SPRY3: variants seen among roughly 807,000 people sequenced by gnomAD.
SPRY3 encodes the protein protein sprouty homolog 3.
A neutral mutation model predicts 20.2 loss-of-function variants in SPRY3; 15 were observed. The ratio of observed to expected loss-of-function variants is 0.74; its 90% CI spans 0.50 to 1.14. The LOEUF (loss-of-function observed/expected upper bound fraction) is 1.14, where lower values mean the gene tolerates loss of function less well. Ranked by LOEUF, SPRY3 falls within the 50% of genes most tolerant of loss-of-function variation. The pLI, the probability that SPRY3 is intolerant of heterozygous loss-of-function variation, is 0.00. For missense variants in SPRY3, 364 were observed against 363.9 expected, an observed-to-expected ratio of 1.00 and a Z score of 0.00; for synonymous variants, 143 against 136.5, an observed-to-expected ratio of 1.05 and a Z score of -0.33.
chrX:155,720,835 T>G (rs754468256), intron 2 of SPRY3, among the ~76,000 whole-genome samples: 74 of 152,080 alleles, frequency 4.9e-4, no homozygotes, highest in Non-Finnish European at 9.7e-4. Flanking sequence ...GAAGCTCAGA[T>G]TGTGAAGACT....
intron 2 of SPRY3, among the ~76,000 whole-genome samples, chrX:155,712,084 GT>G (rs1160797238): frequency 6.6e-6 from 1 of 151,618 alleles, no homozygotes; most frequent in Non-Finnish European, 1.5e-5. Flanking sequence ...GTTTTTGCAT[GT>G]TTTAAGATTT....
intron 2 of SPRY3, among the ~76,000 whole-genome samples, chrX:155,751,191 AAGT>A (rs2091260551): frequency 6.6e-6 from 1 of 151,810 alleles, no homozygotes. Context: ...GAGATTGTGT[AAGT>A]AGTATAGCTA....
intron 2 of SPRY3, among the ~76,000 whole-genome samples, chrX:155,694,479 C>T (rs1055236148): frequency 9.0e-6 from 1 of 111,490 alleles, no homozygotes; most frequent in African/African-American, 3.3e-5. Flanking sequence ...TGGCACCAGG[C>T]ACCAGTTTCA....
intron 2 of SPRY3, among the ~76,000 whole-genome samples, chrX:155,663,404 T>A (rs73562815): frequency 1.4e-3 from 154 of 111,228 alleles, no homozygotes; most frequent in African/African-American, 4.9e-3. Context: ...ATACTACAAA[T>A]AATAAAAATG....
intron 2 of SPRY3, among the ~76,000 whole-genome samples, chrX:155,729,684 G>T (rs893118252): frequency 6.6e-6 from 1 of 151,218 alleles, no homozygotes; most frequent in Non-Finnish European, 1.5e-5. Flanking sequence ...CAAACCAAAA[G>T]TTAGTAGAGA....
intron 2 of SPRY3, among the ~76,000 whole-genome samples, chrX:155,748,100 C>A (rs2091238081): frequency 1.3e-5 from 2 of 151,842 alleles, no homozygotes; most frequent in African/African-American, 4.8e-5. Context: ...ATGAGAATTA[C>A]ATTTGCCATC....
intron 2 of SPRY3, among the ~76,000 whole-genome samples, chrX:155,710,423 C>T (rs948635510): frequency 6.6e-6 from 1 of 151,298 alleles, no homozygotes; most frequent in African/African-American, 2.4e-5. Flanking sequence ...TTTTGTGTGG[C>T]TATTGTAAAT....
chrX:155,690,994 T>G (rs2068100658), intron 2 of SPRY3, among the ~76,000 whole-genome samples: 1 of 87,966 alleles, frequency 1.1e-5, no homozygotes, highest in African/African-American at 5.4e-5. Context: ...TTTGATTAAG[T>G]TAAATTTTTG....
intron 1 of SPRY3, among the ~76,000 whole-genome samples, chrX:155,646,699 T>C (rs1478425510): frequency 8.9e-6 from 1 of 111,976 alleles, no homozygotes; most frequent in African/African-American, 3.2e-5. Context: ...GCCTTCAGGG[T>C]TTTCTACATG....
Position 155,729,470 on chromosome X carries a change from C to T in SPRY3, c.-281-38492C>T, listed in dbSNP as rs2091119222. Among the ~76,000 whole-genome samples, 3 of 151,292 alleles carry T rather than the reference C, an allele frequency of 2.0e-5. No individual in the cohort carries two copies. The South Asian group carries it at 6.3e-4, about 32-fold the overall frequency. ...ATATGCTCCTGAATGAACAGTGGGTCAATGAAGAAATTAAGAAGAAAATTT... is the reference window on the plus strand; with the variant it reads ...ATATGCTCCTGAATGAACAGTGGGTTAATGAAGAAATTAAGAAGAAAATTT... On this transcript the variant is annotated intron_variant, in intron 2 of 3. Coordinates refer to ENST00000675360, the Ensembl canonical transcript of SPRY3.
intron 2 of SPRY3, among the ~76,000 whole-genome samples, chrX:155,748,922 G>A (rs1387649240): frequency 1.1e-4 from 17 of 151,734 alleles, no homozygotes; most frequent in Non-Finnish European, 2.4e-4. Flanking sequence ...AGGCAACCGA[G>A]AATCATCAAA....
At chrX:155,742,690 A>G (rs2091209252) in intron 2 of SPRY3, among the ~76,000 whole-genome samples, 1 of 152,196 alleles carries the variant, frequency 6.6e-6, no homozygotes, top group Non-Finnish European at 1.5e-5. Flanking sequence ...CTCACTCAAA[A>G]TCACACAACC....
chrX:155,734,284 T>C (rs1473733673), intron 2 of SPRY3, among the ~76,000 whole-genome samples: 2 of 152,064 alleles, frequency 1.3e-5, no homozygotes, highest in African/African-American at 2.4e-5. Flanking sequence ...TGGCCTAATT[T>C]CCATACTGTT....
At chrX:155,614,087 A>G (rs1172819626) in intron 1 of SPRY3, among the ~76,000 whole-genome samples, 9 of 112,183 alleles carry the variant, frequency 8.0e-5, no homozygotes, top group Non-Finnish European at 1.7e-4. Flanking sequence ...ACTAAGTACA[A>G]TGAGAATCTA....
chrX:155,774,754 G>T, exon 4 of SPRY3: 5 of 1,596,162 alleles, frequency 3.1e-6, no homozygotes, highest in South Asian at 1.1e-5. Flanking sequence ...CAACAAGGTG[G>T]ATCCAGAGCT....
At chrX:155,740,520 G>A (rs904417669) in intron 2 of SPRY3, among the ~76,000 whole-genome samples, 3 of 152,146 alleles carry the variant, frequency 2.0e-5, no homozygotes, top group Non-Finnish European at 2.9e-5. Flanking sequence ...CGCTCTGGGA[G>A]TGTCTGTCTT....
At chrX:155,758,000 A>G (rs1011298381) in intron 2 of SPRY3, among the ~76,000 whole-genome samples, 17 of 152,156 alleles carry the variant, frequency 1.1e-4, no homozygotes, top group Non-Finnish European at 2.4e-4. Context: ...GACAGATTCT[A>G]TTGCAGTTTA....
At chrX:155,683,883 TCTAA>T (rs1300829107) in intron 2 of SPRY3, among the ~76,000 whole-genome samples, 2 of 111,105 alleles carry the variant, frequency 1.8e-5, no homozygotes, top group African/African-American at 6.6e-5. Flanking sequence ...AGGAAAATGA[TCTAA>T]CTAAGGAGAA....
intron 2 of SPRY3, among the ~76,000 whole-genome samples, chrX:155,711,520 T>A (rs1347382358): frequency 3.3e-5 from 5 of 151,736 alleles, no homozygotes; most frequent in African/African-American, 4.8e-5. Context: ...TCATCTCTGA[T>A]TTTATTTATT....
Sources: allele counts gnomAD v4.1 joint callset (sites outside exome capture counted in the v4.1 genomes callset), GRCh38; gene constraint gnomAD v4.1.1; transcripts MANE v1.5; gene names NCBI Gene and HGNC (gene_info 2026-07-23, HGNC 2026-07-21).